UBE2U: variants seen among roughly 807,000 people sequenced by gnomAD.
UBE2U encodes ubiquitin-conjugating enzyme E2 U.
UBE2U carries 39 observed loss-of-function variants against 41.2 expected under a neutral mutation model. The observed-to-expected ratio is 0.95, with a 90% confidence interval of 0.73 to 1.24. The LOEUF is 1.24. Ranked by LOEUF, UBE2U falls within the 50% of genes most tolerant of loss-of-function variation. UBE2U has a pLI of 0.00. For synonymous variants in UBE2U, 107 were observed against 117.8 expected, an observed-to-expected ratio of 0.91 and a Z score of 0.60; for missense variants, 336 against 363.1, an observed-to-expected ratio of 0.93 and a Z score of 0.61.
chr1:64,238,898 C>T (rs551948334), intron 7 of UBE2U, among the ~76,000 whole-genome samples: 1 of 151,684 alleles, frequency 6.6e-6, no homozygotes, highest in East Asian at 2.0e-4. Context: ...AAAAATTAGC[C>T]AGGCATGGTG....
intron 6 of UBE2U, 141 bp downstream of exon 6, chr1:64,221,048 C>A: frequency 1.7e-6 from 1 of 593,934 alleles, no homozygotes; most frequent in Non-Finnish European, 2.8e-6. Flanking sequence ...ATATTGTTTT[C>A]AGAAAGAACA....
chr1:64,229,638 A>G (rs1293845992), intron 6 of UBE2U, among the ~76,000 whole-genome samples: 1 of 152,200 alleles, frequency 6.6e-6, no homozygotes, highest in Admixed American at 6.5e-5. Context: ...ATGGACAGGA[A>G]GGTTCCAACC....
chr1:64,262,474 C>A (rs1373060191), intron 9 of UBE2U, among the ~76,000 whole-genome samples: 1 of 152,140 alleles, frequency 6.6e-6, no homozygotes, highest in African/African-American at 2.4e-5. Flanking sequence ...GAATCTGCTT[C>A]CCAGCCCAGT....
chr1:64,236,203 G>C (rs189583387), intron 7 of UBE2U, among the ~76,000 whole-genome samples: 1 of 152,254 alleles, frequency 6.6e-6, no homozygotes, highest in Admixed American at 6.5e-5. Flanking sequence ...CCAGCATATA[G>C]TGAGTTCTCA....
intron 3 of UBE2U, among the ~76,000 whole-genome samples, chr1:64,210,315 G>A (rs2100260521): frequency 6.6e-6 from 1 of 152,302 alleles, no homozygotes; most frequent in African/African-American, 2.4e-5. Flanking sequence ...ACAGGACAAC[G>A]CTGGAGGGAG....
intron 8 of UBE2U, among the ~76,000 whole-genome samples, chr1:64,259,097 T>C (rs1246815358): frequency 1.3e-5 from 2 of 152,236 alleles, no homozygotes; most frequent in African/African-American, 4.8e-5. Flanking sequence ...TTTTTAAGTG[T>C]CTGTTGGCTG....
intron 3 of UBE2U, among the ~76,000 whole-genome samples, chr1:64,210,314 C>T (rs1369415617): frequency 2.6e-5 from 4 of 152,140 alleles, no homozygotes; most frequent in Non-Finnish European, 5.9e-5. Context: ...AACAGGACAA[C>T]GCTGGAGGGA....
chr1:64,247,943 A>G (rs1644948278), intron 8 of UBE2U, among the ~76,000 whole-genome samples: 1 of 151,292 alleles, frequency 6.6e-6, no homozygotes, highest in Non-Finnish European at 1.5e-5. Flanking sequence ...CTCTGCACAC[A>G]CCGGCTCCCC....
chr1:64,260,091 A>G (rs977074183), intron 8 of UBE2U, among the ~76,000 whole-genome samples: 1 of 152,072 alleles, frequency 6.6e-6, no homozygotes, highest in African/African-American at 2.4e-5. Flanking sequence ...GGAGTGATGC[A>G]GCTATAAGCC....
chr1:64,214,012 C>T (rs1235111422), intron 4 of UBE2U, among the ~76,000 whole-genome samples: 2 of 152,100 alleles, frequency 1.3e-5, no homozygotes, highest in East Asian at 1.9e-4. Context: ...ATGATATATG[C>T]CGTCTGTTGT....
At chr1:64,235,282 A>G (rs1329898937) in intron 7 of UBE2U, among the ~76,000 whole-genome samples, 4 of 152,186 alleles carry the variant, frequency 2.6e-5, no homozygotes, top group African/African-American at 9.7e-5. Context: ...TGAATTTCTG[A>G]GACTTTGAAT....
rs1651124090 is a variant in UBE2U, at chr1:64,203,860, G to C, written c.-191G>C. 4.5e-6 allele frequency: 2 copies of C among 443,106 alleles called. No homozygotes were observed. Among genetic ancestry groups the C allele is most frequent in the South Asian group, 1.3e-4 (2 of 15,940 alleles). The allele number at this position is 443,106 out of a possible 1,614,324, so 27.4% of individuals were successfully genotyped here. A position where few individuals can be genotyped will look rare whatever the true frequency, so the allele number is the denominator to read the frequency against. ...CTTCGGGAAGTTCTCGTTTAGAGGA[G>C]TCAGGAGAAAAAGTCATTGTTATAT... On this transcript the variant is annotated 5_prime_UTR_variant, in exon 1 of 10. Transcript: ENST00000371077.
At chr1:64,264,683 T>G (rs1005088754) in intron 9 of UBE2U, among the ~76,000 whole-genome samples, 2 of 152,196 alleles carry the variant, frequency 1.3e-5, no homozygotes, top group African/African-American at 4.8e-5. Context: ...CGGGGCGCAG[T>G]GGCTCACGCC....
intron 6 of UBE2U, among the ~76,000 whole-genome samples, chr1:64,224,914 A>C (rs984225071): frequency 4.1e-5 from 6 of 147,760 alleles, no homozygotes; most frequent in African/African-American, 1.6e-4. Context: ...AGTGCCTTAT[A>C]AAATACTGTA....
chr1:64,206,532 A>G (rs1651307131), intron 2 of UBE2U, among the ~76,000 whole-genome samples: 1 of 151,680 alleles, frequency 6.6e-6, no homozygotes, highest in Non-Finnish European at 1.5e-5. Flanking sequence ...TAGGGCGACA[A>G]AGGTAGTAGA....
intron 8 of UBE2U, chr1:64,244,048 A>G: frequency 2.2e-6 from 2 of 925,536 alleles, no homozygotes; most frequent in Non-Finnish European, 3.6e-6. Flanking sequence ...TTCAAACAGT[A>G]TCTGGTGCAT....
intron 5 of UBE2U, among the ~76,000 whole-genome samples, chr1:64,218,083 G>A (rs1168245332): frequency 6.6e-6 from 1 of 152,126 alleles, no homozygotes; most frequent in Non-Finnish European, 1.5e-5. Flanking sequence ...TTAGGTGTAA[G>A]TATACCCCTT....
intron 6 of UBE2U, among the ~76,000 whole-genome samples, chr1:64,230,203 T>G (rs944140377): frequency 2.0e-5 from 3 of 152,210 alleles, no homozygotes; most frequent in African/African-American, 7.2e-5. Flanking sequence ...AATCCCTGAA[T>G]TACTGCGTTT....
At chr1:64,236,854 C>T (rs1012017644) in intron 7 of UBE2U, among the ~76,000 whole-genome samples, 1 of 152,190 alleles carries the variant, frequency 6.6e-6, no homozygotes, top group African/African-American at 2.4e-5. Flanking sequence ...GTCTTGACTG[C>T]TCATGAGAAC....
Sources: gnomAD v4.1 joint callset for allele counts (sites outside exome capture counted in the v4.1 genomes callset) on GRCh38, gnomAD v4.1.1 for gene constraint, MANE v1.5 for transcripts, NCBI Gene and HGNC (gene_info 2026-07-23, HGNC 2026-07-21) for gene names.